The following TTC17 variants were observed in gnomAD, a reference collection of about 807,000 sequenced individuals.
TTC17 encodes the protein tetratricopeptide repeat protein 17.
A neutral mutation model predicts 143.8 loss-of-function variants in TTC17; 58 were observed. The observed-to-expected ratio is 0.40, with a 90% CI of 0.33 to 0.50. The LOEUF is 0.50. TTC17 is among the 20% of genes least tolerant of loss of function. The pLI, the probability that TTC17 is intolerant of heterozygous loss-of-function variation, is 0.49. For missense variants in TTC17, 1,273 were observed against 1,392.5 expected (o/e 0.91, Z 1.37); for synonymous variants, 501 against 497.8 (o/e 1.01, Z -0.09).
At position 43,447,937 on chromosome 11, in the gene TTC17, G is replaced by A. The variant is rs148452659; in HGVS notation, c.2666-65G>A. On this transcript the variant is annotated intron_variant, in intron 18 of 23. Coordinates refer to ENST00000039989, the MANE Select transcript of TTC17 (RefSeq NM_018259.6). ...CAATCCAGGTGAAGTAATCACCAGG[G>A]CATAAGGCCCTTTGGGTTCTCTTCC... The A allele has an allele frequency of 5.8e-3, 9,203 of 1,585,622 alleles. 39 individuals are homozygous for A. The highest frequency in any genetic ancestry group is 6.8e-3 in the Non-Finnish European group (7,902 of 1,164,832).
At chr11:43,419,614 A>G (rs1289600949) in intron 16 of TTC17, among the ~76,000 whole-genome samples, 7 of 152,198 alleles carry the variant, frequency 4.6e-5, no homozygotes, top group South Asian at 2.1e-4. Flanking sequence ...ACATCCTTTT[A>G]CATTCTTTTA....
chr11:43,389,610 A>C, intron 2 of TTC17, 42 bp from the exon 3 acceptor site: 1 of 1,544,102 alleles, frequency 6.5e-7, no homozygotes, highest in Non-Finnish European at 8.7e-7. Context: ...TTAGACTAAA[A>C]TATTAGAAGA....
At chr11:43,439,548 A>G (rs1047446654) in intron 16 of TTC17, among the ~76,000 whole-genome samples, 6 of 151,380 alleles carry the variant, frequency 4.0e-5, no homozygotes, top group Admixed American at 1.3e-4. Flanking sequence ...GCTCACTGCA[A>G]GCTCTGCCTC....
In TTC17 at chr11:43,397,366, C is replaced by CT; in HGVS notation, c.794dup (p.Val266GlyfsTer15). On this transcript the variant is annotated frameshift_variant, in exon 7 of 24. Transcript: ENST00000039989. LOFTEE classifies it high-confidence loss of function. ...CCTTAGGCACAATAAAGACATTGCC[C>CT]TGGTCAACCTGGCAAACGTTCTACA... 6.2e-7 allele frequency: 1 copy of CT among 1,610,822 alleles called. No homozygotes were observed. Among genetic ancestry groups the CT allele is most frequent in the Non-Finnish European group, 8.5e-7 (1 of 1,179,702 alleles).
At chr11:43,400,394 G>T (rs953610529) in intron 9 of TTC17, among the ~76,000 whole-genome samples, 1 of 152,016 alleles carries the variant, frequency 6.6e-6, no homozygotes, top group East Asian at 1.9e-4. Flanking sequence ...TTATGATTCA[G>T]TAGGTCTGAA....
intron 18 of TTC17, 44 bp from the exon 19 acceptor site, chr11:43,447,958 C>A: frequency 6.2e-7 from 1 of 1,605,492 alleles, no homozygotes; most frequent in South Asian, 1.1e-5. Flanking sequence ...TTTGGGTTCT[C>A]TTCCTTTGCA....
Position 43,401,515 on chromosome 11 carries a change from G to T in TTC17, c.1289G>T (p.Arg430Leu), listed in dbSNP as rs1857854909. The change falls in exon 10 of 24, where the codon CGC (arginine) becomes CTC (leucine). Residue 430 changes from arginine (R) to leucine (L), a missense_variant. Physicochemically the swap from Arg to Leu is moderately radical, Grantham distance 102 (BLOSUM62 -2). Coordinates refer to ENST00000039989, the MANE Select transcript of TTC17 (RefSeq NM_018259.6). ...SLHCQWDQPV[R>L]YHRGDIFENV... ...CATTGCCAGTGGGACCAGCCTGTAC[G>T]CTATCATCGTGGAGATATCTTTGAA... The T allele has an allele frequency of 6.2e-7, 1 of 1,613,470 alleles. No individual in the cohort carries two copies. The highest frequency in any genetic ancestry group is 1.7e-5 in the Admixed American group (1 of 59,868).
chr11:43,413,937 G>T (rs988681495), intron 15 of TTC17, among the ~76,000 whole-genome samples: 1 of 152,152 alleles, frequency 6.6e-6, no homozygotes, highest in Non-Finnish European at 1.5e-5. Flanking sequence ...CCTGTGCTAA[G>T]TATATACTCA....
At chr11:43,418,383 C>G (rs563306127) in intron 16 of TTC17, among the ~76,000 whole-genome samples, 2 of 151,782 alleles carry the variant, frequency 1.3e-5, no homozygotes, top group Non-Finnish European at 2.9e-5. Context: ...TTTTACTTGC[C>G]CACTCTTGAA....
At chr11:43,374,445 C>A (rs1565131577) in intron 1 of TTC17, among the ~76,000 whole-genome samples, 1 of 152,184 alleles carries the variant, frequency 6.6e-6, no homozygotes, top group East Asian at 1.9e-4. Context: ...AACTAAAAAG[C>A]TTCTGCACAG....
chr11:43,414,874 G>T, intron 16 of TTC17, 98 bp downstream of exon 16: 1 of 1,309,644 alleles, frequency 7.6e-7, no homozygotes. Context: ...TTTTACCCAA[G>T]GATTTTAGAT....
chr11:43,441,068 A>G (rs947754661), intron 16 of TTC17, among the ~76,000 whole-genome samples: 15 of 144,532 alleles, frequency 1.0e-4, no homozygotes, highest in Admixed American at 9.4e-4. Flanking sequence ...CCAGGAGTTC[A>G]AGACCAGCCT....
Position 43,451,265 on chromosome 11 carries a change from G to T in TTC17, c.3030G>T (p.Lys1010Asn). Residue 1010 changes from lysine to asparagine, a missense_variant and splice_region_variant, in exon 21 of 24, where the codon AAG becomes AAT. Transcript: ENST00000039989. ...CCCGAATTGCCAAAGTTTTGGAAAA[G>T]GTAAGTCACCCCACAGAAAAGCTGG... ...IGTRIAKVLE[K>N]NQTSWVLSSM... 6.2e-7 allele frequency: 1 copy of T among 1,613,044 alleles called. No homozygotes were observed. The highest frequency in any genetic ancestry group is 1.1e-5 in the South Asian group (1 of 91,016).
intron 2 of TTC17, among the ~76,000 whole-genome samples, chr11:43,383,519 AT>A (rs779691168): frequency 2.9e-3 from 401 of 138,512 alleles, no homozygotes; most frequent in Admixed American, 4.6e-3. Flanking sequence ...CGCCTGGCTA[AT>A]TTTTTTTTTT....
intron 21 of TTC17, chr11:43,468,405 A>C (rs965856490): frequency 1.3e-5 from 2 of 152,244 alleles, no homozygotes; most frequent in Admixed American, 1.3e-4. Context: ...AATGAAGTAA[A>C]ATCTCTGTAA....
intron 9 of TTC17, among the ~76,000 whole-genome samples, chr11:43,400,330 T>G (rs1193491456): frequency 3.9e-5 from 6 of 152,194 alleles, no homozygotes; most frequent in African/African-American, 1.4e-4. Context: ...CATCAGTTTT[T>G]TTTCCTACCC....
intron 16 of TTC17, among the ~76,000 whole-genome samples, chr11:43,429,330 A>G (rs1162418264): frequency 6.6e-6 from 1 of 152,210 alleles, no homozygotes; most frequent in Non-Finnish European, 1.5e-5. Flanking sequence ...AATTTATACC[A>G]TGGAAGTGTT....
intron 21 of TTC17, among the ~76,000 whole-genome samples, chr11:43,470,067 A>G (rs1013268585): frequency 1.3e-5 from 2 of 152,228 alleles, no homozygotes. Context: ...CAAAGTAAAA[A>G]TGTATGACAA....
At chr11:43,426,513 A>T (rs1324425046) in intron 16 of TTC17, among the ~76,000 whole-genome samples, 3 of 152,226 alleles carry the variant, frequency 2.0e-5, no homozygotes, top group Admixed American at 2.0e-4. Flanking sequence ...CAATCAGGGT[A>T]TTAGGAAACT....
Sources: allele counts gnomAD v4.1 joint callset (sites outside exome capture counted in the v4.1 genomes callset), GRCh38; gene constraint gnomAD v4.1.1; transcripts MANE v1.5; gene names NCBI Gene and HGNC (gene_info 2026-07-23, HGNC 2026-07-21).